Variants in AMBN observed in about 807,000 individuals in gnomAD.
AMBN encodes ameloblastin, also known as enamel matrix protein.
In AMBN, 54 loss-of-function variants were observed where a neutral mutation model predicts 48.0. That is an observed-to-expected ratio of 1.12 (90% CI 0.90 to 1.41). AMBN has a LOEUF of 1.41. AMBN is among the 40% of genes most tolerant of loss of function. The pLI, the probability that AMBN is intolerant of heterozygous loss-of-function variation, is 0.00. For synonymous variants in AMBN, 186 were observed against 190.0 expected, an observed-to-expected ratio of 0.98 and a Z score of 0.17; for missense variants, 571 against 547.3, an observed-to-expected ratio of 1.04 and a Z score of -0.43.
chr4:70,592,535 CCATT>C (rs1737296226), intron 1 of AMBN, among the ~76,000 whole-genome samples, 162 bp downstream of exon 1: 1 of 151,018 alleles, frequency 6.6e-6, no homozygotes, highest in African/African-American at 2.4e-5. Context: ...TGCCTAACAC[CCATT>C]CAACTAAGAA....
chr4:70,592,333 A>G lies in AMBN; in HGVS notation c.-26A>G. 6.2e-7 allele frequency: 1 copy of G among 1,613,916 alleles called. No individual in the cohort carries two copies. Among genetic ancestry groups the G allele is most frequent in the Admixed American group, 1.7e-5 (1 of 60,016 alleles). The stretch of plus-strand genomic sequence containing the variant: ...TTTTCTTAGAACTATCTTGGTTGGC[A>G]TCATCAGGCCCTGAGAGCACAGTGC... On this transcript the variant is annotated 5_prime_UTR_variant, in exon 1 of 13. Coordinates refer to ENST00000322937, the MANE Select transcript of AMBN (RefSeq NM_016519.6).
At chr4:70,603,186 T>C in intron 9 of AMBN, 74 bp from the exon 10 acceptor site, 1 of 1,477,244 alleles carries the variant, frequency 6.8e-7, no homozygotes, top group Non-Finnish European at 9.3e-7. Flanking sequence ...AAAATGTGTT[T>C]CATATACCTC....
In AMBN at chr4:70,606,972, G is replaced by A. The variant is rs539638557; in HGVS notation, c.*242G>A. 1.2e-5 allele frequency: 6 copies of A among 489,098 alleles called. No homozygotes were observed. The highest frequency in any genetic ancestry group is 1.1e-4 in the African/African-American group (6 of 52,240). 30.3% of individuals were successfully genotyped at this position (489,098 alleles called of 1,614,324 possible). On this transcript the variant is annotated 3_prime_UTR_variant, in exon 13 of 13. Coordinates refer to ENST00000322937, the MANE Select transcript of AMBN (RefSeq NM_016519.6). Reference sequence around the variant, plus strand: ...TAGAAACACTATTAATAACATCAGAGCAAGGTTCTAAGGGTCTCAGCATTT... The same window carrying A: ...TAGAAACACTATTAATAACATCAGAACAAGGTTCTAAGGGTCTCAGCATTT...
intron 4 of AMBN, among the ~76,000 whole-genome samples, chr4:70,598,961 A>G (rs567245133): frequency 5.4e-5 from 8 of 149,514 alleles, no homozygotes; most frequent in Admixed American, 1.3e-4. Flanking sequence ...TTTTTAGTAG[A>G]GACGGGGTTT....
At chr4:70,599,374 G>A (rs952413556) in intron 4 of AMBN, among the ~76,000 whole-genome samples, 162 bp from the exon 5 acceptor site, 17 of 151,898 alleles carry the variant, frequency 1.1e-4, no homozygotes, top group Middle Eastern at 3.4e-3. Flanking sequence ...CCGGGAGGTG[G>A]AGGATGCAGT....
Position 70,606,381 on chromosome 4 carries a change from A to T in AMBN, c.995A>T (p.Asn332Ile), listed in dbSNP as rs1256190474. The change falls in exon 13 of 13, where the codon AAC becomes ATC. Residue 332 changes from asparagine (N) to isoleucine (I), a missense_variant. By Grantham distance (149) the Asn-to-Ile change is moderately radical. Coordinates refer to ENST00000322937, the MANE Select transcript of AMBN (RefSeq NM_016519.6). ...GAQGSPMPEA[N>I]PDNLENPAFL... ...CAAGGCTCCCCTATGCCGGAGGCCA[A>T]CCCAGACAATCTAGAAAACCCAGCT... 5.0e-6 allele frequency: 8 copies of T among 1,614,056 alleles called. No homozygotes were observed. The highest frequency in any genetic ancestry group is 6.8e-6 in the Non-Finnish European group (8 of 1,179,994).
Position 70,593,349 on chromosome 4 carries a change from A to G in AMBN, c.38A>G (p.Asp13Gly), listed in dbSNP as rs1345652790. ...ASKIPLFKMK[D>G]LILILCLLEM... ...TAGATTCCACTTTTCAAAATGAAGG[A>G]CCTGATACTGATCCTATGCCTCCTG... Residue 13 changes from aspartate (D) to glycine (G), a missense_variant, in exon 2 of 13, where the codon GAC (aspartate) becomes GGC (glycine). By Grantham distance (94) the Asp-to-Gly change is moderately conservative (BLOSUM62 -1). Coordinates refer to ENST00000322937, the MANE Select transcript of AMBN (RefSeq NM_016519.6). The G allele has an allele frequency of 6.2e-7, 1 of 1,612,054 alleles. No individual in the cohort carries two copies. The highest frequency in any genetic ancestry group is 1.7e-5 in the Admixed American group (1 of 59,968).
intron 3 of AMBN, among the ~76,000 whole-genome samples, chr4:70,597,503 T>C (rs1455098454): frequency 6.6e-6 from 1 of 152,118 alleles, no homozygotes; most frequent in African/African-American, 2.4e-5. Context: ...ACTTCCTGCA[T>C]AAGTTGTACA....
intron 2 of AMBN, among the ~76,000 whole-genome samples, chr4:70,595,208 T>TG (rs1737361166): frequency 6.7e-6 from 1 of 150,306 alleles, no homozygotes; most frequent in African/African-American, 2.5e-5. Context: ...TTTTTTTTTT[T>TG]TTACAGTCTG....
At chr4:70,593,480 C>G in intron 2 of AMBN, 85 bp downstream of exon 2, 2 of 1,143,802 alleles carry the variant, frequency 1.7e-6, no homozygotes, top group South Asian at 1.3e-5. Flanking sequence ...GACTGAGAGT[C>G]CACGCATAGA....
chr4:70,598,456 G>C, intron 4 of AMBN, 53 bp downstream of exon 4: 1 of 1,384,480 alleles, frequency 7.2e-7, no homozygotes, highest in Non-Finnish European at 9.9e-7. Flanking sequence ...GTTAATATTA[G>C]CAGCAGCATT....
rs1412981230 is a variant in AMBN at position 70,603,908 on chromosome 4, CAGA to C, written c.791_793del (p.Glu264del). On this transcript the variant is annotated inframe_deletion, in exon 12 of 13. Transcript: ENST00000322937. ...CCTGCCAGACTTGGCATCATGAGTT[CAGA>C]AGAAGTGGCAGTGAGTAATGTCTTC... The C allele has an allele frequency of 5.0e-6, 8 of 1,613,834 alleles. No homozygotes were observed. Among genetic ancestry groups the C allele is most frequent in the Non-Finnish European group, 6.8e-6 (8 of 1,179,936 alleles).
chr4:70,595,299 T>C (rs1235705554), intron 2 of AMBN, among the ~76,000 whole-genome samples: 1 of 150,982 alleles, frequency 6.6e-6, no homozygotes, highest in African/African-American at 2.4e-5. Flanking sequence ...GCGATTCTCC[T>C]GCCTCAGCCT....
chr4:70,600,909 T>C (rs917876202), intron 5 of AMBN, among the ~76,000 whole-genome samples: 2 of 152,202 alleles, frequency 1.3e-5, no homozygotes, highest in Non-Finnish European at 2.9e-5. Context: ...AAGAATTTGA[T>C]TGGCATTTTA....
In AMBN at chr4:70,606,639, T is replaced by A; in HGVS notation, c.1253T>A (p.Met418Lys). ...GAAGAAGCAACCATGGATACCACGA[T>A]GGCCCCAAACTCTCTGCAAACATCC... is the stretch of plus-strand genomic sequence containing the variant. ...FQEEATMDTT[M>K]APNSLQTSMP... The change falls in exon 13 of 13, where the codon ATG (methionine) becomes AAG (lysine). Residue 418 changes from methionine (M) to lysine (K), a missense_variant. Physicochemically the swap from Met to Lys is moderately conservative, Grantham distance 95 (BLOSUM62 -1). Coordinates refer to ENST00000322937, the MANE Select transcript of AMBN (RefSeq NM_016519.6). The A allele has an allele frequency of 2.5e-6, 4 of 1,614,090 alleles. No homozygotes were observed. Among genetic ancestry groups the A allele is most frequent in the Non-Finnish European group, 2.5e-6 (3 of 1,180,000 alleles).
chr4:70,606,170 TG>T lies in AMBN; in HGVS notation c.799-14del, dbSNP rs763013673. ...ATGTGATGATGGCATCTTTGACGAA[TG>T]TTTTTTTTTCCAGGGCGGGAGAGAA... On this transcript the variant is annotated splice_polypyrimidine_tract_variant and intron_variant, in intron 12 of 12. Transcript: ENST00000322937. 1 of 1,611,676 alleles carries T rather than the reference TG, an allele frequency of 6.2e-7. No individual in the cohort carries two copies. The highest frequency in any genetic ancestry group is 1.3e-5 in the African/African-American group (1 of 74,744).
At position 70,593,333 on chromosome 4, in the gene AMBN, CT is replaced by C; in HGVS notation, c.26del (p.Phe9SerfsTer3). 2 of 1,607,066 alleles carry C rather than the reference CT, an allele frequency of 1.2e-6. No homozygotes were observed. The highest frequency in any genetic ancestry group is 2.2e-5 in the South Asian group (2 of 90,116). On this transcript the variant is annotated frameshift_variant, in exon 2 of 13. Coordinates refer to ENST00000322937, the MANE Select transcript of AMBN (RefSeq NM_016519.6). LOFTEE classifies it high-confidence loss of function. MSASKIP[L>X]FKMKDLILIL... ...CAACTTAATTATGTTTTAGATTCCA[CT>C]TTTCAAAATGAAGGACCTGATACTG...
At chr4:70,601,743 G>A (rs1714999623) in intron 6 of AMBN, 89 bp downstream of exon 6, 2 of 1,186,646 alleles carry the variant, frequency 1.7e-6, no homozygotes, top group Non-Finnish European at 2.5e-6. Flanking sequence ...AATAATCGTA[G>A]CCTTCAGGCA....
intron 5 of AMBN, among the ~76,000 whole-genome samples, chr4:70,600,846 T>C (rs764383206): frequency 1.3e-5 from 2 of 152,180 alleles, no homozygotes; most frequent in Admixed American, 6.5e-5. Flanking sequence ...ATAAATTATG[T>C]TAATGGTGAC....
Sources: allele counts gnomAD v4.1 joint callset (sites outside exome capture counted in the v4.1 genomes callset), GRCh38; gene constraint gnomAD v4.1.1; transcripts MANE v1.5; gene names NCBI Gene and HGNC (gene_info 2026-07-23, HGNC 2026-07-21).